Variants in MTUS2 observed in about 807,000 individuals in gnomAD.
MTUS2 encodes microtubule associated scaffold protein 2, also known as microtubule-associated tumor suppressor candidate 2.
A neutral mutation model predicts 114.1 loss-of-function variants in MTUS2; 40 were observed. The observed-to-expected ratio is 0.35, with a 90% confidence interval of 0.27 to 0.46. The LOEUF is 0.46. Ranked by LOEUF, MTUS2 falls within the 20% of genes least tolerant of loss-of-function variation. The pLI, the probability that MTUS2 is intolerant of heterozygous loss-of-function variation, is 1.00. For synonymous variants in MTUS2, 688 were observed against 672.0 expected, an observed-to-expected ratio of 1.02 and a Z score of -0.37; for missense variants, 1,679 against 1,705.4, an observed-to-expected ratio of 0.98 and a Z score of 0.27.
At chr13:29,239,740 A>T (rs1455814377) in intron 5 of MTUS2, 1 of 152,152 alleles carries the variant, frequency 6.6e-6, no homozygotes, top group Non-Finnish European at 1.5e-5. Context: ...TTTCTATTTT[A>T]TGCTGCCCAT....
rs35468877 is a variant in MTUS2, at chr13:28,911,173, C to CT, written c.-243+71344dup. Among the ~76,000 whole-genome samples the CT allele has an allele frequency of 2.8e-3, 225 of 79,624 alleles. 7 individuals are homozygous for CT. The highest frequency in any genetic ancestry group is 4.5e-3 in the East Asian group (13 of 2,894). 52.2% of individuals were successfully genotyped at this position (79,624 alleles called of 152,430 possible). On this transcript the variant is annotated intron_variant, in intron 2 of 15. Coordinates refer to ENST00000612955, the MANE Select transcript of MTUS2 (RefSeq NM_001033602.4). ...TACAGGCATGAGCCACTGCGCCCTG[C>CT]TTTTTTTTTTTTTTTTTTTTTCAGA...
chr13:29,357,480 C>T (rs1031411964), intron 7 of MTUS2, among the ~76,000 whole-genome samples: 2 of 152,100 alleles, frequency 1.3e-5, no homozygotes, highest in African/African-American at 2.4e-5. Flanking sequence ...TATAAAATCA[C>T]GAGCCACAGC....
intron 7 of MTUS2, among the ~76,000 whole-genome samples, chr13:29,333,763 A>C (rs926344564): frequency 6.6e-6 from 1 of 152,114 alleles, no homozygotes; most frequent in South Asian, 2.1e-4. Context: ...TGTCTCATTG[A>C]TCTGTCTAAT....
rs1325328208 is a variant in MTUS2, at chr13:29,375,434, G to A, written c.3117+15961G>A. Among the ~76,000 whole-genome samples the A allele has an allele frequency of 4.2e-5, 5 of 120,308 alleles. 1 individual carries two copies. Among genetic ancestry groups the A allele is most frequent in the Middle Eastern group, 4.7e-3 (1 of 214 alleles). The allele number at this position is 120,308 out of a possible 152,430, so 78.9% of individuals were successfully genotyped here. On this transcript the variant is annotated intron_variant, in intron 8 of 15. Coordinates refer to ENST00000612955, the MANE Select transcript of MTUS2 (RefSeq NM_001033602.4). ...TTACTTACTTTTAATGGCAAAAACC[G>A]CAATTACTTACTTTTAATGGCAACA...
intron 9 of MTUS2, among the ~76,000 whole-genome samples, chr13:29,461,403 A>G (rs1454619033): frequency 6.6e-6 from 1 of 152,220 alleles, no homozygotes; most frequent in Admixed American, 6.5e-5. Flanking sequence ...AAGCCATAGT[A>G]GGGGGTCATT....
intron 4 of MTUS2, among the ~76,000 whole-genome samples, chr13:29,097,082 A>T (rs1890209644): frequency 6.6e-6 from 1 of 152,170 alleles, no homozygotes; most frequent in Admixed American, 6.5e-5. Flanking sequence ...TCCCAGGAAG[A>T]TACTATAGTC....
chr13:29,334,366 A>G (rs990928853), intron 7 of MTUS2, among the ~76,000 whole-genome samples: 2 of 152,078 alleles, frequency 1.3e-5, no homozygotes, highest in Non-Finnish European at 2.9e-5. Flanking sequence ...TCCATGTTTA[A>G]TGCTTCCTTC....
At chr13:29,044,649 T>G (rs1887531111) in intron 4 of MTUS2, among the ~76,000 whole-genome samples, 1 of 152,198 alleles carries the variant, frequency 6.6e-6, no homozygotes, top group Non-Finnish European at 1.5e-5. Context: ...GTTTTCATTG[T>G]GAATAGTTTC....
In MTUS2 at chr13:28,983,141, C is replaced by T. The variant is rs375221798; in HGVS notation, c.-242-41316C>T. 4.6e-5 allele frequency among the ~76,000 whole-genome samples: 7 copies of T among 152,204 alleles called. No homozygotes were observed. The East Asian group carries it at 1.3e-3, about 29-fold the overall frequency. ...AAATCCGAGGCAGGGTGGCTGTCAT[C>T]TCCTTCAGGTGAGTGTGAACAAGGC... On this transcript the variant is annotated intron_variant, in intron 2 of 15. Transcript: ENST00000612955.
In MTUS2 at chr13:29,219,119, C is replaced by T. The variant is rs1895801488; in HGVS notation, c.2645-62585C>T. The stretch of plus-strand genomic sequence containing the variant: ...GTATATCTCCCAATGCTATCCCTCC[C>T]CCCTCCCCCCACCCCACCACAGTCC... On this transcript the variant is annotated intron_variant, in intron 5 of 15. Transcript: ENST00000612955. 2.6e-5 allele frequency among the ~76,000 whole-genome samples: 3 copies of T among 113,450 alleles called. No individual in the cohort carries two copies. In the Admixed American group the frequency reaches 3.0e-4, roughly 11 times the overall value. 74.4% of individuals were successfully genotyped at this position (113,450 alleles called of 152,430 possible). A position where few individuals can be genotyped will look rare whatever the true frequency, so the allele number is the denominator to read the frequency against.
At chr13:29,011,280 G>T (rs1340717329) in intron 2 of MTUS2, among the ~76,000 whole-genome samples, 1 of 152,056 alleles carries the variant, frequency 6.6e-6, no homozygotes, top group Non-Finnish European at 1.5e-5. Flanking sequence ...GATTTTTGTT[G>T]CTTTGAGAAA....
At chr13:28,935,123 A>G (rs1185444084) in intron 2 of MTUS2, among the ~76,000 whole-genome samples, 1 of 149,066 alleles carries the variant, frequency 6.7e-6, no homozygotes, top group African/African-American at 2.5e-5. Context: ...ACTTCAGCAC[A>G]TGACATTTTG....
In MTUS2 at chr13:29,281,717, G is replaced by T. The variant is rs1370498046; in HGVS notation, c.2658G>T (p.Gly886=). 1 of 1,608,146 alleles carries T rather than the reference G, an allele frequency of 6.2e-7. No individual in the cohort carries two copies. The highest frequency in any genetic ancestry group is 8.5e-7 in the Non-Finnish European group (1 of 1,175,484). Residue 886 remains glycine (G), a synonymous_variant, in exon 6 of 16, where the codon GGG becomes GGT. Coordinates refer to ENST00000612955, the MANE Select transcript of MTUS2 (RefSeq NM_001033602.4). ...QGRPATRSTF[G]NEEQPVLKAS... is the part of the protein sequence containing the mutation. ...TGCCTCCCACAGGTTCAACCTTTGGGAATGAAGAACAGCCAGTTCTGAAGG... is the reference window on the plus strand; with the variant it reads ...TGCCTCCCACAGGTTCAACCTTTGGTAATGAAGAACAGCCAGTTCTGAAGG...
chr13:29,155,181 G>A (rs1357196600), intron 5 of MTUS2, among the ~76,000 whole-genome samples: 1 of 152,228 alleles, frequency 6.6e-6, no homozygotes, highest in African/African-American at 2.4e-5. Flanking sequence ...ACCTGTATTT[G>A]ATGAAACTGG....
chr13:28,882,068 T>C (rs1172905322), intron 2 of MTUS2, among the ~76,000 whole-genome samples: 2 of 151,474 alleles, frequency 1.3e-5, no homozygotes, highest in Admixed American at 1.3e-4. Flanking sequence ...TTATTTCAAT[T>C]TTTTTTTTTG....
At chr13:29,277,797 T>C (rs2139526479) in intron 5 of MTUS2, among the ~76,000 whole-genome samples, 1 of 152,332 alleles carries the variant, frequency 6.6e-6, no homozygotes, top group East Asian at 1.9e-4. Context: ...CACTTTCCTC[T>C]GTCTACCAGC....
intron 9 of MTUS2, chr13:29,476,938 A>G (rs1403428518): frequency 2.0e-5 from 3 of 152,128 alleles, no homozygotes; most frequent in Non-Finnish European, 2.9e-5. Context: ...TTCTTGGTAA[A>G]CCTAAATACA....
intron 9 of MTUS2, among the ~76,000 whole-genome samples, chr13:29,458,992 G>A (rs993253330): frequency 5.9e-5 from 9 of 152,228 alleles, no homozygotes; most frequent in African/African-American, 2.2e-4. Flanking sequence ...TGAGAGTGAT[G>A]CCCACAAAGG....
intron 4 of MTUS2, among the ~76,000 whole-genome samples, chr13:29,052,808 A>C: frequency 6.6e-6 from 1 of 152,138 alleles, no homozygotes; most frequent in Non-Finnish European, 1.5e-5. Context: ...TCTCACCTTG[A>C]ATTGTAGTTC....
Sources: allele counts gnomAD v4.1 joint callset (sites outside exome capture counted in the v4.1 genomes callset), GRCh38; gene constraint gnomAD v4.1.1; transcripts MANE v1.5; gene names NCBI Gene and HGNC (gene_info 2026-07-23, HGNC 2026-07-21).